LUZP2: variants seen among roughly 807,000 people sequenced by gnomAD.
LUZP2 encodes the protein leucine zipper protein 2.
LUZP2 carries 52 observed loss-of-function variants against 51.6 expected under a neutral mutation model. The observed-to-expected ratio is 1.01, with a 90% CI of 0.81 to 1.27. The LOEUF (loss-of-function observed/expected upper bound fraction) is 1.27, where lower values mean the gene tolerates loss of function less well. Among genes scored for constraint, LUZP2 ranks in the 50% most tolerant of loss-of-function variants. LUZP2 has a pLI of 0.00. For synonymous variants in LUZP2, 154 were observed against 137.3 expected (o/e 1.12, Z -0.85); for missense variants, 436 against 395.4 (o/e 1.10, Z -0.87).
At chr11:24,977,395 G>T (rs1855909647) in intron 8 of LUZP2, among the ~76,000 whole-genome samples, 1 of 151,460 alleles carries the variant, frequency 6.6e-6, no homozygotes, top group African/African-American at 2.4e-5. Flanking sequence ...AATGTAAAAA[G>T]ATAATGTGTA....
At chr11:24,926,191 GTA>G (rs533130653) in intron 7 of LUZP2, among the ~76,000 whole-genome samples, 1 of 147,466 alleles carries the variant, frequency 6.8e-6, no homozygotes, top group East Asian at 2.0e-4. Flanking sequence ...ATATATATGT[GTA>G]TATATATATG....
chr11:24,626,421 T>C (rs117656905), intron 1 of LUZP2, among the ~76,000 whole-genome samples: 1 of 152,326 alleles, frequency 6.6e-6, no homozygotes, highest in Non-Finnish European at 1.5e-5. Context: ...TGTGAAGTCT[T>C]AAAATACACT....
intron 5 of LUZP2, among the ~76,000 whole-genome samples, chr11:24,837,183 C>T (rs1038396866): frequency 6.6e-6 from 1 of 151,634 alleles, no homozygotes; most frequent in African/African-American, 2.4e-5. Flanking sequence ...GTGCCATATT[C>T]AATATTTTTT....
chr11:24,885,631 C>T (rs1852645526), intron 5 of LUZP2, among the ~76,000 whole-genome samples: 1 of 152,076 alleles, frequency 6.6e-6, no homozygotes, highest in South Asian at 2.1e-4. Context: ...AAATGTGTTG[C>T]AATTTTATAT....
intron 5 of LUZP2, among the ~76,000 whole-genome samples, chr11:24,883,390 AC>A (rs2134301449): frequency 7.0e-6 from 1 of 142,878 alleles, no homozygotes; most frequent in Non-Finnish European, 1.5e-5. Flanking sequence ...GGGATAACTT[AC>A]CTGCACTTGG....
chr11:24,979,105 A>T lies in LUZP2; in HGVS notation c.597+2440A>T, dbSNP rs1405590308. 2.0e-5 allele frequency among the ~76,000 whole-genome samples: 3 copies of T among 151,962 alleles called. No homozygotes were observed. In the Admixed American group the frequency reaches 2.0e-4, roughly 10 times the overall value. Reference sequence around the variant, plus strand: ...ACAATAAACTTTATTTATAATGGTGATGAGAAAATTACACGTAGCCAAAAA... The same window carrying T: ...ACAATAAACTTTATTTATAATGGTGTTGAGAAAATTACACGTAGCCAAAAA... On this transcript the variant is annotated intron_variant, in intron 8 of 11. Coordinates refer to ENST00000336930, the MANE Select transcript of LUZP2 (RefSeq NM_001009909.4).
At chr11:24,669,959 T>C (rs1403902722) in intron 1 of LUZP2, among the ~76,000 whole-genome samples, 1 of 152,080 alleles carries the variant, frequency 6.6e-6, no homozygotes, top group East Asian at 1.9e-4. Context: ...CATCTAGAGA[T>C]GACAATAAAT....
chr11:24,925,457 A>G (rs2133823007), intron 7 of LUZP2, among the ~76,000 whole-genome samples: 1 of 152,314 alleles, frequency 6.6e-6, no homozygotes, highest in Non-Finnish European at 1.5e-5. Context: ...CATAAGAAAC[A>G]AGAGAAAGTA....
intron 1 of LUZP2, chr11:24,646,698 C>A: frequency 1.6e-6 from 1 of 623,430 alleles, no homozygotes; most frequent in Non-Finnish European, 2.0e-6. Flanking sequence ...GCTGATGTCT[C>A]ATTGGCCATA....
At chr11:25,055,604 A>T (rs1457822311) in intron 10 of LUZP2, among the ~76,000 whole-genome samples, 2 of 152,116 alleles carry the variant, frequency 1.3e-5, no homozygotes, top group Non-Finnish European at 2.9e-5. Context: ...TTAAGCAGTT[A>T]CGATGCTACA....
At chr11:24,526,289 G>A (rs1278949563) in intron 1 of LUZP2, among the ~76,000 whole-genome samples, 1 of 149,820 alleles carries the variant, frequency 6.7e-6, no homozygotes. Context: ...GCTCAAGAGT[G>A]CATATTACTT....
chr11:24,551,674 A>G (rs1851728442), intron 1 of LUZP2, among the ~76,000 whole-genome samples: 1 of 152,056 alleles, frequency 6.6e-6, no homozygotes, highest in African/African-American at 2.4e-5. Flanking sequence ...ACACAGTCAT[A>G]GTAATTCATA....
At chr11:24,700,955 A>G (rs1857403480) in intron 1 of LUZP2, among the ~76,000 whole-genome samples, 2 of 152,230 alleles carry the variant, frequency 1.3e-5, no homozygotes. Context: ...TGGTGTGAGT[A>G]AAGCAAGAGT....
rs995297326 is a variant in LUZP2 at position 24,655,675 on chromosome 11, C to T, written c.63-73494C>T. The stretch of plus-strand genomic sequence containing the variant: ...AGGACATCTGAAAAGAAAACAAATG[C>T]GTGGTCTGAAAAGCGGGAGGAAATT... On this transcript the variant is annotated intron_variant, in intron 1 of 11. Coordinates refer to ENST00000336930, the MANE Select transcript of LUZP2 (RefSeq NM_001009909.4). 6.6e-5 allele frequency among the ~76,000 whole-genome samples: 10 copies of T among 152,118 alleles called. 1 individual carries two copies. The East Asian group carries it at 1.2e-3, about 18-fold the overall frequency.
At chr11:25,065,512 A>C (rs966986915) in intron 10 of LUZP2, among the ~76,000 whole-genome samples, 19 of 151,988 alleles carry the variant, frequency 1.3e-4, no homozygotes, top group South Asian at 2.1e-4. Context: ...AAAATTGAGT[A>C]ATCCAAGGCC....
intron 7 of LUZP2, among the ~76,000 whole-genome samples, chr11:24,927,507 C>G (rs1854315409): frequency 6.6e-6 from 1 of 151,766 alleles, no homozygotes; most frequent in South Asian, 2.1e-4. Flanking sequence ...GTCCTTTCCC[C>G]ACTTTATGTT....
chr11:24,875,212 A>T (rs1256853506), intron 5 of LUZP2, among the ~76,000 whole-genome samples: 4 of 149,484 alleles, frequency 2.7e-5, no homozygotes, highest in African/African-American at 9.9e-5. Context: ...TTAACTCGTC[A>T]TTTAGCATTA....
At chr11:24,944,251 A>G (rs773951858) in intron 7 of LUZP2, among the ~76,000 whole-genome samples, 1 of 152,186 alleles carries the variant, frequency 6.6e-6, no homozygotes, top group Non-Finnish European at 1.5e-5. Context: ...ATATGCAACA[A>G]TTTTGGGAAC....
chr11:24,802,633 C>A (rs193054791), intron 5 of LUZP2, among the ~76,000 whole-genome samples: 4 of 151,984 alleles, frequency 2.6e-5, no homozygotes, highest in Non-Finnish European at 5.9e-5. Context: ...AACTCTGTGC[C>A]TATTGAACAG....
Sources: allele counts gnomAD v4.1 joint callset (sites outside exome capture counted in the v4.1 genomes callset), GRCh38; gene constraint gnomAD v4.1.1; transcripts MANE v1.5; gene names NCBI Gene and HGNC (gene_info 2026-07-23, HGNC 2026-07-21).